DHX8: variants seen among roughly 807,000 people sequenced by gnomAD.
DHX8 encodes the protein DEAH-box helicase 8.
DHX8 carries 67 observed loss-of-function variants against 140.7 expected under a neutral mutation model. The ratio of observed to expected loss-of-function variants is 0.48; its 90% CI spans 0.39 to 0.58. The LOEUF (loss-of-function observed/expected upper bound fraction) is 0.58. DHX8 is among the 20% of genes least tolerant of loss of function. DHX8 has a pLI of 0.00. For synonymous variants in DHX8, 533 were observed against 553.2 expected (o/e 0.96, Z 0.51); for missense variants, 887 against 1,550.7 (o/e 0.57, Z 7.19).
chr17:43,528,237 G>A, downstream of DHX8: 1 of 363,318 alleles, frequency 2.8e-6, no homozygotes. Flanking sequence ...GGGAAAAGGT[G>A]TGGGGGGCTT....
At chr17:43,525,709 ATCT>A, downstream of DHX8, 1 of 983,446 alleles carries the variant, frequency 1.0e-6, no homozygotes, top group Non-Finnish European at 1.2e-6. Flanking sequence ...AGCTCAAGTG[ATCT>A]TCCTGCCTCA....
intron 16 of DHX8, among the ~76,000 whole-genome samples, chr17:43,511,368 T>C (rs1008290722): frequency 6.6e-6 from 1 of 151,598 alleles, no homozygotes; most frequent in South Asian, 2.1e-4. Flanking sequence ...TTTTCACTTT[T>C]GGGCTTTCTT....
Position 43,523,616 on chromosome 17 carries a change from G to C in DHX8, c.3444-12G>C, listed in dbSNP as rs1488000609. 1.2e-6 allele frequency: 2 copies of C among 1,613,732 alleles called. No homozygotes were observed. The highest frequency in any genetic ancestry group is 3.3e-5 in the Admixed American group (2 of 59,992). ...ATCCAGAGGCTTGAGTACTATCTCT[G>C]TCCCCCCTCAGGGTGGTGTACCATG... On this transcript the variant is annotated splice_polypyrimidine_tract_variant and intron_variant, in intron 22 of 22. Transcript: ENST00000262415.
rs755883339 is a variant in DHX8 at position 43,498,847 on chromosome 17, TG to T, written c.1301-9del. On this transcript the variant is annotated splice_polypyrimidine_tract_variant and intron_variant, in intron 9 of 22. Coordinates refer to ENST00000262415, the MANE Select transcript of DHX8 (RefSeq NM_004941.3). ...TCTTGTTTATGGCTAATTCTTCTTTTGGGGGGACTTTTAGATGAGGACCTTG... is the reference window on the plus strand; with the variant it reads ...TCTTGTTTATGGCTAATTCTTCTTTTGGGGGACTTTTAGATGAGGACCTTG... 2 of 1,582,752 alleles carry T rather than the reference TG, an allele frequency of 1.3e-6. No individual in the cohort carries two copies. Among genetic ancestry groups the T allele is most frequent in the Non-Finnish European group, 1.7e-6 (2 of 1,165,370 alleles).
chr17:43,517,429 T>A, intron 18 of DHX8, 107 bp downstream of exon 18: 1 of 1,300,478 alleles, frequency 7.7e-7, no homozygotes. Context: ...AGTAACCTCA[T>A]GAAAGCAGTC....
At chr17:43,499,243 C>T (rs1969047761) in intron 10 of DHX8, among the ~76,000 whole-genome samples, 3 of 152,132 alleles carry the variant, frequency 2.0e-5, no homozygotes, top group Admixed American at 2.0e-4. Flanking sequence ...TTCCTTAGGG[C>T]TTGAATCTTG....
chr17:43,524,888 G>C lies in DHX8; in HGVS notation c.*1041G>C. ...CTGTGCTGCAGGGCTTGTTCTTAGT[G>C]GTTTTTTCCTAGCACTTGCTTGGAG... On this transcript the variant is annotated 3_prime_UTR_variant, in exon 23 of 23. Coordinates refer to ENST00000262415, the MANE Select transcript of DHX8 (RefSeq NM_004941.3). The C allele has an allele frequency of 1.0e-6, 1 of 985,226 alleles. No individual in the cohort carries two copies. 61.0% of individuals were successfully genotyped at this position (985,226 alleles called of 1,614,324 possible). A position where few individuals can be genotyped will look rare whatever the true frequency, so the allele number is the denominator to read the frequency against.
intron 1 of DHX8, among the ~76,000 whole-genome samples, chr17:43,487,054 C>T (rs1461455913): frequency 6.6e-6 from 1 of 152,058 alleles, no homozygotes; most frequent in East Asian, 1.9e-4. Context: ...TCCTAGCTCC[C>T]CCCAGTTATT....
chr17:43,539,472 A>G (rs923265772), intron 3 of DHX8, among the ~76,000 whole-genome samples: 1 of 152,034 alleles, frequency 6.6e-6, no homozygotes, highest in Non-Finnish European at 1.5e-5. Flanking sequence ...ATATTAATTT[A>G]TGTTTACCTG....
At chr17:43,490,494 C>T in intron 3 of DHX8, 31 bp downstream of exon 3, 1 of 1,566,380 alleles carries the variant, frequency 6.4e-7, no homozygotes, top group Non-Finnish European at 8.8e-7. Flanking sequence ...AGCTTAGCTT[C>T]TAGAATGGTG....
chr17:43,532,424 G>A (rs568532652), intron 2 of DHX8, among the ~76,000 whole-genome samples: 6 of 152,136 alleles, frequency 3.9e-5, no homozygotes, highest in Admixed American at 3.3e-4. Flanking sequence ...GCTTGAACCC[G>A]GTAGGCAGAG....
At chr17:43,516,014 G>C (rs1970097459) in intron 17 of DHX8, among the ~76,000 whole-genome samples, 1 of 151,752 alleles carries the variant, frequency 6.6e-6, no homozygotes, top group Non-Finnish European at 1.5e-5. Flanking sequence ...TTGAAGTAGT[G>C]TTTTATTATT....
At chr17:43,537,562 G>A (rs1035862989) in intron 3 of DHX8, among the ~76,000 whole-genome samples, 11 of 151,156 alleles carry the variant, frequency 7.3e-5, no homozygotes, top group African/African-American at 1.5e-4. Flanking sequence ...CAGGCGTGGC[G>A]GTGGGCACCT....
chr17:43,532,509 A>G (rs991838097), intron 2 of DHX8, among the ~76,000 whole-genome samples: 1 of 152,062 alleles, frequency 6.6e-6, no homozygotes, highest in Non-Finnish European at 1.5e-5. Flanking sequence ...AAAAAAAAAG[A>G]AAAAGAAAGA....
intron 2 of DHX8, chr17:43,533,330 T>C: frequency 6.2e-7 from 1 of 1,613,300 alleles, no homozygotes. Context: ...TGGCGATTTG[T>C]CTGGGGGGGT....
rs377572676 is a variant in DHX8, at chr17:43,493,823, C to T, written c.1149C>T (p.Asp383=). Residue 383 remains aspartate (D), a synonymous_variant, in exon 8 of 23, where the codon GAC becomes GAT. Transcript: ENST00000262415. ...TTGTCAGTGCTCCTGAAGTAGAGGA[C>T]GACTCACTGGAACGCAAGCGCCTCA... The part of the protein sequence containing the change: ...LSLVSAPEVE[D]DSLERKRLTR... The T allele has an allele frequency of 1.1e-5, 18 of 1,614,024 alleles. No individual in the cohort carries two copies. The highest frequency in any genetic ancestry group is 6.7e-5 in the East Asian group (3 of 44,896).
At chr17:43,505,366 G>A (rs1419430302) in intron 12 of DHX8, among the ~76,000 whole-genome samples, 4 of 151,916 alleles carry the variant, frequency 2.6e-5, no homozygotes, top group Non-Finnish European at 4.4e-5. Context: ...TCAAGATCAC[G>A]CCGCTGCACT....
chr17:43,526,743 C>G, downstream of DHX8: 2 of 1,351,066 alleles, frequency 1.5e-6, no homozygotes, highest in Non-Finnish European at 1.9e-6. Context: ...CTTCTTCCCA[C>G]CACGATAGCT....
intron 11 of DHX8, among the ~76,000 whole-genome samples, chr17:43,501,732 C>T (rs1322336972): frequency 1.3e-5 from 2 of 152,082 alleles, no homozygotes; most frequent in African/African-American, 2.4e-5. Flanking sequence ...TGATCCCCCC[C>T]CCATCTCAGC....
Sources: gnomAD v4.1 joint callset for allele counts (sites outside exome capture counted in the v4.1 genomes callset) on GRCh38, gnomAD v4.1.1 for gene constraint, MANE v1.5 for transcripts, NCBI Gene and HGNC (gene_info 2026-07-23, HGNC 2026-07-21) for gene names.